The following CNGA3 variants were observed in gnomAD, a reference collection of about 807,000 sequenced individuals.
CNGA3 encodes the protein cyclic nucleotide-gated channel alpha-3.
A neutral mutation model predicts 46.6 loss-of-function variants in CNGA3; 42 were observed. That is an observed-to-expected ratio of 0.90 (90% CI 0.70 to 1.17). The LOEUF is 1.17. CNGA3 is among the 50% of genes most tolerant of loss of function. The pLI, the probability that CNGA3 is intolerant of heterozygous loss-of-function variation, is 0.00. For missense variants in CNGA3, 893 were observed against 890.7 expected (o/e 1.00, Z -0.03); for synonymous variants, 394 against 369.4 (o/e 1.07, Z -0.76).
At chr2:98,367,167 G>GTTTATTTTCCTTTTTTTTTTTTTTTTT (rs751611132) in intron 1 of CNGA3, among the ~76,000 whole-genome samples, 4 of 101,588 alleles carry the variant, frequency 3.9e-5, no homozygotes, top group African/African-American at 3.3e-5. Context: ...GACATCAGCT[G>GTTTATTTTCCTTTTTTTTTTTTTTTTT]TTTTTTTTCT....
In CNGA3 at chr2:98,383,411, A is replaced by T. The variant is rs760819593; in HGVS notation, c.419A>T (p.Asn140Ile). The stretch of plus-strand genomic sequence containing the variant: ...AGCGCCTGGCCCCTGGCCAAATGCA[A>T]CACTAACACCAGCAACAACACGGAG... ...GRSAWPLAKC[N>I]TNTSNNTEEE... is the part of the protein sequence containing the mutation. The change falls in exon 5 of 8, where the codon AAC (asparagine) becomes ATC (isoleucine). Residue 140 changes from asparagine (N) to isoleucine (I), a missense_variant. By Grantham distance (149) the Asn-to-Ile change is moderately radical. Around this residue, in one of 3 missense-constraint regions of CNGA3, gnomAD observed 333 missense variants for 290.8 expected, o/e 1.15. Coordinates refer to ENST00000272602, the MANE Select transcript of CNGA3 (RefSeq NM_001298.3). 3.7e-6 allele frequency: 6 copies of T among 1,614,066 alleles called. No homozygotes were observed. The African/African-American group carries it at 6.7e-5, about 18-fold the overall frequency.
At chr2:98,360,898 G>A (rs1397339459) in intron 1 of CNGA3, among the ~76,000 whole-genome samples, 1 of 152,014 alleles carries the variant, frequency 6.6e-6, no homozygotes, top group Non-Finnish European at 1.5e-5. Context: ...AAACAATGAT[G>A]TAAAAAGCTT....
At chr2:98,356,521 G>A (rs1013523804) in intron 1 of CNGA3, among the ~76,000 whole-genome samples, 1 of 152,212 alleles carries the variant, frequency 6.6e-6, no homozygotes, top group East Asian at 1.9e-4. Context: ...AATTGGACCC[G>A]CCAAACCCTG....
chr2:98,373,227 C>G (rs1312519665), intron 2 of CNGA3, among the ~76,000 whole-genome samples: 1 of 152,164 alleles, frequency 6.6e-6, no homozygotes, highest in Non-Finnish European at 1.5e-5. Flanking sequence ...CTGATTTGAA[C>G]AAAGGACTCA....
chr2:98,396,525 A>G lies in CNGA3; in HGVS notation c.1355A>G (p.Asp452Gly), dbSNP rs1253473406. The G allele has an allele frequency of 1.2e-6, 2 of 1,613,976 alleles. No individual in the cohort carries two copies. The highest frequency in any genetic ancestry group is 4.5e-5 in the East Asian group (2 of 44,856). Residue 452 changes from aspartate (D) to glycine (G), a missense_variant, in exon 8 of 8, where the codon GAT (aspartate) becomes GGT (glycine). By Grantham distance (94) the Asp-to-Gly change is moderately conservative. Transcript: ENST00000272602. The stretch of plus-strand genomic sequence containing the variant: ...CTGTGGGCCAACAAGAAGACGGTGG[A>G]TGAGAAGGAGGTGCTCAAGAGCCTC... Reference protein sequence around the residue: ...DYLWANKKTVDEKEVLKSLPD... With the variant: ...DYLWANKKTVGEKEVLKSLPD...
chr2:98,351,739 A>C (rs1461916523), intron 1 of CNGA3, among the ~76,000 whole-genome samples: 1 of 152,150 alleles, frequency 6.6e-6, no homozygotes, highest in Non-Finnish European at 1.5e-5. Flanking sequence ...ATTATTATTA[A>C]TGTCATATTT....
At chr2:98,369,320 T>G (rs746496014) in intron 1 of CNGA3, among the ~76,000 whole-genome samples, 6 of 152,260 alleles carry the variant, frequency 3.9e-5, no homozygotes, top group Non-Finnish European at 7.3e-5. Flanking sequence ...GGTGGATCTA[T>G]CTTTCATTGG....
rs183062640 is a variant in CNGA3, at chr2:98,358,496, A to G, written c.-37-11443A>G. Among the ~76,000 whole-genome samples, 242 of 152,336 alleles carry G rather than the reference A, an allele frequency of 1.6e-3. 3 individuals are homozygous for G. Among genetic ancestry groups the G allele is most frequent in the Non-Finnish European group, 3.5e-4 (24 of 68,026 alleles). On this transcript the variant is annotated intron_variant, in intron 1 of 7. Transcript: ENST00000272602. ...GAAATTGTCATGCAAAAAAAAATTAATAAATTGACCAAGCTTCTGGGTACA... is the reference window on the plus strand; with the variant it reads ...GAAATTGTCATGCAAAAAAAAATTAGTAAATTGACCAAGCTTCTGGGTACA...
intron 1 of CNGA3, among the ~76,000 whole-genome samples, chr2:98,347,942 GAGAA>G (rs1404525357): frequency 6.6e-6 from 1 of 152,242 alleles, no homozygotes; most frequent in African/African-American, 2.4e-5. Context: ...CGTTCACGCT[GAGAA>G]TTCATGGGGG....
intron 1 of CNGA3, among the ~76,000 whole-genome samples, chr2:98,354,298 A>G (rs1691831780): frequency 6.6e-6 from 1 of 152,116 alleles, no homozygotes; most frequent in Non-Finnish European, 1.5e-5. Flanking sequence ...TGCAGATGAG[A>G]GGGCCAACTG....
intron 2 of CNGA3, among the ~76,000 whole-genome samples, chr2:98,376,614 C>T (rs866172515): frequency 1.4e-4 from 21 of 152,106 alleles, no homozygotes; most frequent in East Asian, 1.9e-4. Flanking sequence ...GCCTGGCCAC[C>T]GTGATGCAAG....
chr2:98,389,127 G>C (rs937328953), intron 5 of CNGA3, among the ~76,000 whole-genome samples: 7 of 152,192 alleles, frequency 4.6e-5, no homozygotes, highest in Admixed American at 1.3e-4. Flanking sequence ...CCTTTACATC[G>C]TCCGCACAAA....
chr2:98,379,348 C>G (rs767706954), intron 3 of CNGA3, among the ~76,000 whole-genome samples: 4 of 152,252 alleles, frequency 2.6e-5, no homozygotes, highest in Non-Finnish European at 4.4e-5. Flanking sequence ...GGGGAGGGCA[C>G]TGCAGATGCC....
rs1558820319 is a variant in CNGA3, at chr2:98,396,360, G to A, written c.1190G>A (p.Gly397Asp). ...GTTCTGATTTTTGCCACCATTGTGG[G>A]CAATGTGGGCTCCATGATCTCGAAT... is the stretch of plus-strand genomic sequence containing the variant. ...VGVLIFATIV[G>D]NVGSMISNMN... The change falls in exon 8 of 8, where the codon GGC becomes GAC. Residue 397 changes from glycine to aspartate, a missense_variant. Transcript: ENST00000272602. 1 of 1,613,140 alleles carries A rather than the reference G, an allele frequency of 6.2e-7. No individual in the cohort carries two copies. The highest frequency in any genetic ancestry group is 1.7e-5 in the Admixed American group (1 of 59,986).
intron 2 of CNGA3, among the ~76,000 whole-genome samples, chr2:98,374,357 G>A (rs151153132): frequency 0.011 from 1,633 of 152,254 alleles, 34 homozygotes; most frequent in Non-Finnish European, 0.013. Flanking sequence ...CATCAGGGGG[G>A]CCTCTTCCTT....
chr2:98,367,424 A>G (rs532141516), intron 1 of CNGA3, among the ~76,000 whole-genome samples: 1 of 151,544 alleles, frequency 6.6e-6, no homozygotes, highest in Non-Finnish European at 1.5e-5. Flanking sequence ...TCAATCTCCT[A>G]ACCTTGTGAT....
In CNGA3 at chr2:98,391,747, G is replaced by C. The variant is rs562090728; in HGVS notation, c.567-117G>C. On this transcript the variant is annotated intron_variant, in intron 6 of 7. Coordinates refer to ENST00000272602, the MANE Select transcript of CNGA3 (RefSeq NM_001298.3). The stretch of plus-strand genomic sequence containing the variant: ...ACTGAGGTAGTGACACCGCAGGCAG[G>C]GCCATTCCCATATTACATGATCCAG... 19 of 918,330 alleles carry C rather than the reference G, an allele frequency of 2.1e-5. No individual in the cohort carries two copies. In the South Asian group the frequency reaches 2.4e-4, roughly 12 times the overall value. The allele number at this position is 918,330 out of a possible 1,614,324, so 56.9% of individuals were successfully genotyped here.
intron 5 of CNGA3, among the ~76,000 whole-genome samples, chr2:98,389,222 T>C (rs1341722835): frequency 1.3e-5 from 2 of 152,132 alleles, no homozygotes; most frequent in African/African-American, 2.4e-5. Flanking sequence ...CTCAGAACTA[T>C]CCAGGCAATG....
chr2:98,367,185 C>CTTTTTTTTTTTTTTTTTTTTTTT (rs558997785), intron 1 of CNGA3, among the ~76,000 whole-genome samples: 1 of 95,204 alleles, frequency 1.1e-5, no homozygotes, highest in Non-Finnish European at 2.1e-5. Context: ...TCTTTTTTTT[C>CTTTTTTTTTTTTTTTTTTTTTTT]TTTTTTTTTT....
Sources: allele counts gnomAD v4.1 joint callset (sites outside exome capture counted in the v4.1 genomes callset), GRCh38; gene constraint gnomAD v4.1.1; regional missense constraint gnomAD v4.1.1; transcripts MANE v1.5; gene names NCBI Gene and HGNC (gene_info 2026-07-23, HGNC 2026-07-21).